Variants in RARS1 observed in about 807,000 individuals in gnomAD.
The protein encoded by RARS1 is arginyl-tRNA synthetase 1.
RARS1 carries 75 observed loss-of-function variants against 78.7 expected under a neutral mutation model. The ratio of observed to expected loss-of-function variants is 0.95; its 90% CI spans 0.79 to 1.15. The LOEUF (loss-of-function observed/expected upper bound fraction) is 1.15, where lower values mean the gene tolerates loss of function less well. RARS1 is among the 50% of genes most tolerant of loss of function. The pLI, the probability that RARS1 is intolerant of heterozygous loss-of-function variation, is 0.00. For synonymous variants in RARS1, 273 were observed against 268.2 expected (o/e 1.02, Z -0.18); for missense variants, 787 against 787.5 (o/e 1.00, Z 0.01).
At position 168,497,348 on chromosome 5, in the gene RARS1, G is replaced by T; in HGVS notation, c.822G>T (p.Lys274Asn). ...PPIGDLQVFYKESKKRFDTEE... is the reference protein window; with the variant it reads ...PPIGDLQVFYNESKKRFDTEE... ...TTGGGGATCTTCAGGTCTTTTATAA[G>T]GTTTGATACCATTTCTTTTATATTA... The change falls in exon 7 of 15, where the codon AAG (lysine) becomes AAT (asparagine). Residue 274 changes from lysine to asparagine, a missense_variant and splice_region_variant. Coordinates refer to ENST00000231572, the MANE Select transcript of RARS1 (RefSeq NM_002887.4). 4 of 1,556,940 alleles carry T rather than the reference G, an allele frequency of 2.6e-6. No homozygotes were observed. Among genetic ancestry groups the T allele is most frequent in the Non-Finnish European group, 3.5e-6 (4 of 1,150,936 alleles).
intron 11 of RARS1, among the ~76,000 whole-genome samples, chr5:168,509,598 C>G (rs952815420): frequency 6.6e-6 from 1 of 151,732 alleles, no homozygotes; most frequent in Non-Finnish European, 1.5e-5. Flanking sequence ...CGTAGTGATT[C>G]TGATTGCAGT....
chr5:168,512,084 C>T (rs1337054935), intron 12 of RARS1, among the ~76,000 whole-genome samples: 1 of 152,076 alleles, frequency 6.6e-6, no homozygotes, highest in Non-Finnish European at 1.5e-5. Flanking sequence ...CTCCTGGGCT[C>T]AAGCGATCCA....
rs146230077 is a variant in RARS1, at chr5:168,490,756, A to G, written c.181-1903A>G. Among the ~76,000 whole-genome samples, 580 of 152,330 alleles carry G rather than the reference A, an allele frequency of 3.8e-3. 1 individual carries two copies. Among genetic ancestry groups the G allele is most frequent in the African/African-American group, 0.014 (562 of 41,580 alleles). On this transcript the variant is annotated intron_variant, in intron 2 of 14. Coordinates refer to ENST00000231572, the MANE Select transcript of RARS1 (RefSeq NM_002887.4). ...TGATTATAATCAGATAGTAATTTTC[A>G]TAGTGCCAAAACTAAGCACAGTAGA... is the stretch of plus-strand genomic sequence containing the variant.
chr5:168,518,069 G>GTATTTTT lies in RARS1; in HGVS notation c.1873+8_1873+9insATTTTTT. 3 of 675,612 alleles carry GTATTTTT rather than the reference G, an allele frequency of 4.4e-6. No homozygotes were observed. The highest frequency in any genetic ancestry group is 5.6e-6 in the Non-Finnish European group (3 of 533,882). The allele number at this position is 675,612 out of a possible 1,614,324, so 41.9% of individuals were successfully genotyped here. ...GAGAAAGATAGACAGACTGGTGAGT[G>GTATTTTT]TCTTTTTTTTTTTTTTTTTTTTTTT... On this transcript the variant is annotated splice_region_variant and intron_variant, in intron 14 of 14. Transcript: ENST00000231572.
intron 2 of RARS1, among the ~76,000 whole-genome samples, chr5:168,488,974 T>G (rs1386476078): frequency 6.6e-6 from 1 of 152,236 alleles, no homozygotes; most frequent in Non-Finnish European, 1.5e-5. Context: ...GCTAACTGTT[T>G]GGCTAACTTA....
At chr5:168,501,648 G>A (rs908203132) in intron 8 of RARS1, among the ~76,000 whole-genome samples, 7 of 152,168 alleles carry the variant, frequency 4.6e-5, no homozygotes, top group East Asian at 3.9e-4. Flanking sequence ...GCTTGAACCC[G>A]GGAGGCGGAG....
At chr5:168,514,001 G>C (rs1358217696) in intron 12 of RARS1, among the ~76,000 whole-genome samples, 1 of 152,228 alleles carries the variant, frequency 6.6e-6, no homozygotes, top group Non-Finnish European at 1.5e-5. Flanking sequence ...GAGAGGACCA[G>C]TGGGGCTGAG....
chr5:168,505,916 A>G, intron 9 of RARS1, 105 bp from the exon 10 acceptor site: 1 of 999,628 alleles, frequency 1.0e-6, no homozygotes. Flanking sequence ...ATATATTTCA[A>G]AATATTCTTA....
At chr5:168,488,952 A>G (rs1582425507) in intron 2 of RARS1, among the ~76,000 whole-genome samples, 1 of 152,298 alleles carries the variant, frequency 6.6e-6, no homozygotes, top group South Asian at 2.1e-4. Context: ...ACTCTTTGAA[A>G]TGTTTCATCC....
intron 12 of RARS1, among the ~76,000 whole-genome samples, chr5:168,511,290 GTTC>G (rs1461583361): frequency 6.6e-6 from 1 of 151,732 alleles, no homozygotes; most frequent in Non-Finnish European, 1.5e-5. Flanking sequence ...TTGGCTCATG[GTTC>G]TTCTGGCTGT....
Position 168,493,954 on chromosome 5 carries a change from C to G in RARS1, c.430C>G (p.His144Asp). The change falls in exon 4 of 15, where the codon CAC becomes GAC. Residue 144 changes from histidine to aspartate, a missense_variant. By Grantham distance (81) the His-to-Asp change is moderately conservative. Transcript: ENST00000231572. ...AGAAATTGCTGAAAACATTACCAAA[C>G]ACCTCCCAGACAATGAATGTATTGA... The part of the protein sequence containing the change: ...PREIAENITK[H>D]LPDNECIEKV... 6.2e-7 allele frequency: 1 copy of G among 1,613,618 alleles called. No individual in the cohort carries two copies.
chr5:168,517,905 G>C lies in RARS1; in HGVS notation c.1716G>C (p.Trp572Cys). 6.2e-7 allele frequency: 1 copy of C among 1,613,632 alleles called. No homozygotes were observed. Among genetic ancestry groups the C allele is most frequent in the Non-Finnish European group, 8.5e-7 (1 of 1,179,964 alleles). Residue 572 changes from tryptophan to cysteine, a missense_variant, in exon 14 of 15, where the codon TGG becomes TGC. Trp to Cys is a radical substitution (Grantham distance 215). Transcript: ENST00000231572. ...TKILLDHEKE[W>C]KLGRCILRFP... is the part of the protein sequence containing the mutation. ...TTCTTTTGGATCATGAGAAGGAATG[G>C]AAACTAGGCCGGTGCATTTTACGGT...
intron 12 of RARS1, among the ~76,000 whole-genome samples, chr5:168,514,224 G>C (rs917481025): frequency 4.6e-5 from 7 of 152,070 alleles, no homozygotes; most frequent in Non-Finnish European, 1.5e-5. Context: ...CCCTTTGGGG[G>C]CTGCCAAACT....
intron 9 of RARS1, 29 bp from the exon 10 acceptor site, chr5:168,505,992 T>C: frequency 6.4e-7 from 1 of 1,565,696 alleles, no homozygotes; most frequent in Non-Finnish European, 8.6e-7. Flanking sequence ...TCTTTTAACT[T>C]TATTAATGAA....
chr5:168,503,863 G>A (rs1332791760), intron 9 of RARS1, among the ~76,000 whole-genome samples: 1 of 152,162 alleles, frequency 6.6e-6, no homozygotes. Context: ...TTGAGGCCAG[G>A]AGTTTGAGGT....
chr5:168,503,726 G>C (rs1224848911), intron 9 of RARS1, among the ~76,000 whole-genome samples: 1 of 151,958 alleles, frequency 6.6e-6, no homozygotes. Flanking sequence ...TCCTTGAATG[G>C]GAGTAGTATT....
Position 168,497,217 on chromosome 5 carries a change from A to G in RARS1, c.702-11A>G, listed in dbSNP as rs745919542. 2.0e-6 allele frequency: 3 copies of G among 1,464,274 alleles called. No individual in the cohort carries two copies. The South Asian group carries it at 4.5e-5, about 22-fold the overall frequency. The allele number at this position is 1,464,274 out of a possible 1,614,324, so 90.7% of individuals were successfully genotyped here. ...TTAAAAAATGATTATATATTCTCTG[A>G]TTGGTGTTAGGTTAAATCATGTAGG... is the stretch of plus-strand genomic sequence containing the variant. On this transcript the variant is annotated splice_polypyrimidine_tract_variant and intron_variant, in intron 6 of 14. Transcript: ENST00000231572.
intron 13 of RARS1, among the ~76,000 whole-genome samples, chr5:168,517,354 G>A (rs1456504277): frequency 2.0e-5 from 3 of 152,116 alleles, no homozygotes; most frequent in East Asian, 3.9e-4. Context: ...TGTTGGCCAG[G>A]CAGGTCTGGA....
Position 168,516,918 on chromosome 5 carries a change from T to C in RARS1, c.1593T>C (p.Ala531=), listed in dbSNP as rs1468026097. Residue 531 remains alanine (A), a synonymous_variant, in exon 13 of 15, where the codon GCT becomes GCC. Coordinates refer to ENST00000231572, the MANE Select transcript of RARS1 (RefSeq NM_002887.4). ...TGCTAGATGACAGAGGAAATACAGC[T>C]GCTTACTTGTTGTATGCCTTCACTA... is the stretch of plus-strand genomic sequence containing the variant. ...DKMLDDRGNT[A]AYLLYAFTRI... is the part of the protein sequence containing the mutation. 1 of 1,614,162 alleles carries C rather than the reference T, an allele frequency of 6.2e-7. No individual in the cohort carries two copies. Among genetic ancestry groups the C allele is most frequent in the South Asian group, 1.1e-5 (1 of 91,078 alleles).
Sources: gnomAD v4.1 joint callset for allele counts (sites outside exome capture counted in the v4.1 genomes callset) on GRCh38, gnomAD v4.1.1 for gene constraint, MANE v1.5 for transcripts, NCBI Gene and HGNC (gene_info 2026-07-23, HGNC 2026-07-21) for gene names.